Variants in KCNH8 observed in about 807,000 individuals in gnomAD.
KCNH8 encodes voltage-gated delayed rectifier potassium channel KCNH8.
KCNH8 carries 70 observed loss-of-function variants against 103.6 expected under a neutral mutation model. The ratio of observed to expected loss-of-function variants is 0.68; its 90% CI spans 0.56 to 0.82. KCNH8 has a LOEUF of 0.82. Among genes scored for constraint, KCNH8 ranks in the 40% least tolerant of loss-of-function variants. The pLI, the probability that KCNH8 is intolerant of heterozygous loss-of-function variation, is 0.00. For synonymous variants in KCNH8, 498 were observed against 489.4 expected (o/e 1.02, Z -0.23); for missense variants, 1,217 against 1,329.9 (o/e 0.92, Z 1.32).
At chr3:19,472,141 G>C (rs971574725) in intron 11 of KCNH8, among the ~76,000 whole-genome samples, 1 of 150,896 alleles carries the variant, frequency 6.6e-6, no homozygotes, top group Non-Finnish European at 1.5e-5. Context: ...TAATGGGATT[G>C]CTGGTACAAA....
intron 11 of KCNH8, among the ~76,000 whole-genome samples, chr3:19,495,517 G>A (rs2068420354): frequency 6.6e-6 from 1 of 152,040 alleles, no homozygotes; most frequent in Admixed American, 6.6e-5. Context: ...ATAGTTGTAG[G>A]TGTGCAGCCT....
intron 3 of KCNH8, among the ~76,000 whole-genome samples, chr3:19,294,999 G>T (rs2064977163): frequency 1.3e-5 from 2 of 152,026 alleles, no homozygotes; most frequent in Non-Finnish European, 2.9e-5. Flanking sequence ...ATTACTTTAA[G>T]ATTAAAACAT....
intron 6 of KCNH8, among the ~76,000 whole-genome samples, 184 bp from the exon 7 acceptor site, chr3:19,394,920 T>C (rs529197468): frequency 7.2e-5 from 11 of 152,044 alleles, no homozygotes; most frequent in Non-Finnish European, 1.6e-4. Context: ...ATCCTATCCT[T>C]TATTCCAGCC....
At chr3:19,418,841 C>G (rs1335538624) in intron 7 of KCNH8, among the ~76,000 whole-genome samples, 1 of 152,178 alleles carries the variant, frequency 6.6e-6, no homozygotes, top group Non-Finnish European at 1.5e-5. Flanking sequence ...CTTATGAAAA[C>G]AAATACCAAT....
intron 5 of KCNH8, among the ~76,000 whole-genome samples, chr3:19,365,341 T>C (rs1393330065): frequency 1.3e-5 from 2 of 152,126 alleles, no homozygotes; most frequent in Non-Finnish European, 2.9e-5. Context: ...TCTCTACTTG[T>C]TTTAATGTAG....
chr3:19,250,266 G>A lies in KCNH8; in HGVS notation c.77-3388G>A, dbSNP rs958165235. On this transcript the variant is annotated intron_variant, in intron 1 of 15. Transcript: ENST00000328405. Reference sequence around the variant, plus strand: ...TCTTTCAAAAAAAGAAAAAAAAATAGAAAAGACAAAATGACAAAACATAGT... The same window carrying A: ...TCTTTCAAAAAAAGAAAAAAAAATAAAAAAGACAAAATGACAAAACATAGT... Among the ~76,000 whole-genome samples the A allele has an allele frequency of 2.6e-5, 4 of 151,950 alleles. No individual in the cohort carries two copies. The East Asian group carries it at 5.8e-4, about 22-fold the overall frequency.
At chr3:19,502,724 A>G (rs200637437) in intron 11 of KCNH8, among the ~76,000 whole-genome samples, 6,710 of 150,528 alleles carry the variant, frequency 0.045, 324 homozygotes, top group East Asian at 0.26. Flanking sequence ...GGCTAGCCAT[A>G]TGTAGAAAGC....
chr3:19,276,781 A>G (rs1166244148), intron 2 of KCNH8, among the ~76,000 whole-genome samples: 1 of 152,204 alleles, frequency 6.6e-6, no homozygotes, highest in South Asian at 2.1e-4. Context: ...TACAGCTACT[A>G]TGAAGAAAAG....
chr3:19,458,579 C>A (rs577547251), intron 11 of KCNH8, among the ~76,000 whole-genome samples: 2 of 151,876 alleles, frequency 1.3e-5, no homozygotes, highest in African/African-American at 2.4e-5. Flanking sequence ...CATTTCCTCA[C>A]GTTTATCATT....
intron 1 of KCNH8, among the ~76,000 whole-genome samples, chr3:19,170,810 A>ATATTT (rs1553620146): frequency 1.3e-5 from 1 of 75,358 alleles, no homozygotes; most frequent in African/African-American, 5.2e-5. Context: ...ATATATATAT[A>ATATTT]TTTTTTTTTT....
intron 1 of KCNH8, among the ~76,000 whole-genome samples, chr3:19,239,501 A>C (rs921495585): frequency 3.3e-5 from 5 of 152,250 alleles, no homozygotes; most frequent in African/African-American, 1.2e-4. Flanking sequence ...ACTTGGCCAC[A>C]TAATGGCAAG....
intron 11 of KCNH8, among the ~76,000 whole-genome samples, chr3:19,506,304 G>C (rs2068691739): frequency 6.6e-6 from 1 of 152,126 alleles, no homozygotes; most frequent in Non-Finnish European, 1.5e-5. Flanking sequence ...TTTAACTGTG[G>C]TGTAATTTGG....
intron 11 of KCNH8, among the ~76,000 whole-genome samples, chr3:19,473,480 C>T (rs1363423207): frequency 6.6e-6 from 1 of 152,154 alleles, no homozygotes; most frequent in African/African-American, 2.4e-5. Flanking sequence ...CAGACTGGCT[C>T]TGGGAGAATT....
Position 19,378,984 on chromosome 3 carries a change from A to C in KCNH8, c.812-11497A>C, listed in dbSNP as rs1431137843. Among the ~76,000 whole-genome samples the C allele has an allele frequency of 2.0e-5, 3 of 152,254 alleles. No homozygotes were observed. In the East Asian group the frequency reaches 5.8e-4, roughly 29 times the overall value. ...CCCAAGTAGTGAGGTCTATAGGTAC[A>C]CAAGGGCAAGTAATTTACATGTTCA... is the stretch of plus-strand genomic sequence containing the variant. On this transcript the variant is annotated intron_variant, in intron 5 of 15. Coordinates refer to ENST00000328405, the MANE Select transcript of KCNH8 (RefSeq NM_144633.3).
At chr3:19,366,896 C>T (rs193147891) in intron 5 of KCNH8, among the ~76,000 whole-genome samples, 116 of 152,022 alleles carry the variant, frequency 7.6e-4, no homozygotes, top group Non-Finnish European at 1.5e-3. Flanking sequence ...TGACAGAAAA[C>T]ATTCTGGCTA....
chr3:19,477,522 C>G lies in KCNH8; in HGVS notation c.2040+20540C>G, dbSNP rs577875251. Among the ~76,000 whole-genome samples the G allele has an allele frequency of 2.0e-5, 3 of 151,784 alleles. No homozygotes were observed. The East Asian group carries it at 5.8e-4, about 30-fold the overall frequency. On this transcript the variant is annotated intron_variant, in intron 11 of 15. Coordinates refer to ENST00000328405, the MANE Select transcript of KCNH8 (RefSeq NM_144633.3). ...GAGGCTTACACTGCCCAACAGGCTCCAAATGCTTTCTCTCTGGAGAAATGA... is the reference window on the plus strand; with the variant it reads ...GAGGCTTACACTGCCCAACAGGCTCGAAATGCTTTCTCTCTGGAGAAATGA...
intron 11 of KCNH8, among the ~76,000 whole-genome samples, chr3:19,478,984 G>T (rs757729146): frequency 4.6e-5 from 7 of 152,132 alleles, no homozygotes; most frequent in Non-Finnish European, 1.0e-4. Context: ...AAGTTCTTTT[G>T]TGTAAAATTT....
chr3:19,353,694 T>A lies in KCNH8; in HGVS notation c.811+5729T>A, dbSNP rs144775361. On this transcript the variant is annotated intron_variant, in intron 5 of 15. Coordinates refer to ENST00000328405, the MANE Select transcript of KCNH8 (RefSeq NM_144633.3). ...GACAAAATTCAGCAGCCCTCCATGC[T>A]AACAACTCTCAATAAACTAGGTATT... Among the ~76,000 whole-genome samples the A allele has an allele frequency of 1.3e-3, 193 of 152,256 alleles. 1 individual carries two copies. Among genetic ancestry groups the A allele is most frequent in the African/African-American group, 4.5e-3 (188 of 41,556 alleles).
intron 7 of KCNH8, among the ~76,000 whole-genome samples, chr3:19,432,217 G>GA (rs1040506097): frequency 9.2e-5 from 14 of 151,802 alleles, no homozygotes; most frequent in African/African-American, 2.9e-4. Flanking sequence ...AATATTTTTG[G>GA]AAAAAAACGT....
Sources: allele counts gnomAD v4.1 joint callset (sites outside exome capture counted in the v4.1 genomes callset), GRCh38; gene constraint gnomAD v4.1.1; transcripts MANE v1.5; gene names NCBI Gene and HGNC (gene_info 2026-07-23, HGNC 2026-07-21).